The following GFRA1 variants were observed in gnomAD, a reference collection of about 807,000 sequenced individuals.
The protein encoded by GFRA1 is GDNF family receptor alpha-1.
In GFRA1, 16 loss-of-function variants were observed where a neutral mutation model predicts 51.6. The ratio of observed to expected loss-of-function variants is 0.31; its 90% CI spans 0.21 to 0.47. The LOEUF (loss-of-function observed/expected upper bound fraction) is 0.47, where lower values mean the gene tolerates loss of function less well. GFRA1 is among the 20% of genes least tolerant of loss of function. GFRA1 has a pLI of 1.00. For missense variants in GFRA1, 530 were observed against 594.3 expected (o/e 0.89, Z 1.13); for synonymous variants, 270 against 241.3 (o/e 1.12, Z -1.10).
intron 4 of GFRA1, among the ~76,000 whole-genome samples, chr10:116,247,730 A>G (rs1967982107): frequency 6.6e-6 from 1 of 152,176 alleles, no homozygotes. Flanking sequence ...TATCTAAAAT[A>G]GTACCCACTC....
At chr10:116,271,958 G>A (rs748849171) in intron 2 of GFRA1, 32 bp downstream of exon 2, 45 of 1,536,048 alleles carry the variant, frequency 2.9e-5, no homozygotes, top group South Asian at 1.6e-4. Context: ...AGACTCAGAG[G>A]GTAAGAAAGC....
At chr10:116,064,881 T>C (rs111876695) in intron 10 of GFRA1, among the ~76,000 whole-genome samples, 84 of 148,920 alleles carry the variant, frequency 5.6e-4, no homozygotes, top group African/African-American at 1.9e-3. Context: ...GTTGCACAGG[T>C]AACTGACAGC....
chr10:116,066,841 T>G (rs1955137470), intron 9 of GFRA1, among the ~76,000 whole-genome samples: 1 of 152,176 alleles, frequency 6.6e-6, no homozygotes, highest in African/African-American at 2.4e-5. Context: ...AGCGTTACAC[T>G]TGAATCAAGG....
chr10:116,274,225 C>G (rs1325351829), upstream of GFRA1, among the ~76,000 whole-genome samples: 5 of 150,520 alleles, frequency 3.3e-5, no homozygotes, highest in Non-Finnish European at 5.9e-5. Context: ...CCCGGGGCAC[C>G]GAAGTCTACA....
chr10:116,255,562 G>A lies in GFRA1; in HGVS notation c.418+13941C>T, dbSNP rs140026209. ...TTCACATCCACTCAACACAGGACTA[G>A]CATATTCAGTATTAATTTTCTCTGC... On this transcript the variant is annotated intron_variant, in intron 4 of 10. Coordinates refer to ENST00000355422, the MANE Select transcript of GFRA1 (RefSeq NM_005264.8). 21 of 1,280,376 alleles carry A rather than the reference G, an allele frequency of 1.6e-5. No individual in the cohort carries two copies. In the East Asian group the frequency reaches 4.5e-4, roughly 27 times the overall value. The allele number at this position is 1,280,376 out of a possible 1,614,324, so 79.3% of individuals were successfully genotyped here.
intron 4 of GFRA1, among the ~76,000 whole-genome samples, chr10:116,215,565 G>C (rs1170086211): frequency 6.6e-6 from 1 of 152,182 alleles, no homozygotes; most frequent in Non-Finnish European, 1.5e-5. Flanking sequence ...GGGCTGAGAA[G>C]GTAAAGTTAG....
chr10:116,119,075 C>A (rs926248624), intron 6 of GFRA1, among the ~76,000 whole-genome samples: 5 of 152,190 alleles, frequency 3.3e-5, no homozygotes, highest in Non-Finnish European at 7.3e-5. Flanking sequence ...AGAGCCCGAG[C>A]TGATAGAGCT....
chr10:116,210,950 C>T (rs938900433), intron 5 of GFRA1, among the ~76,000 whole-genome samples: 2 of 152,158 alleles, frequency 1.3e-5, no homozygotes, highest in African/African-American at 4.8e-5. Context: ...TCGAGGAGGC[C>T]ATGATCCATG....
intron 8 of GFRA1, among the ~76,000 whole-genome samples, chr10:116,090,438 A>AG (rs1360792316): frequency 1.3e-5 from 2 of 151,060 alleles, no homozygotes; most frequent in Admixed American, 6.6e-5. Context: ...TCTTTAAAAA[A>AG]AAAAAAAAAA....
chr10:116,177,790 C>T (rs777792800), intron 5 of GFRA1, among the ~76,000 whole-genome samples: 5 of 152,154 alleles, frequency 3.3e-5, no homozygotes, highest in Admixed American at 6.5e-5. Context: ...TCCCTACTGA[C>T]AAAGAAGTGT....
Position 116,272,660 on chromosome 10 carries a change from C to G in GFRA1, c.-246-385G>C, listed in dbSNP as rs1416865097. On this transcript the variant is annotated intron_variant, in intron 1 of 10. Transcript: ENST00000355422. This position sits in a 1 kb window ranked among gnomAD's most constrained non-coding sequence, Gnocchi z 4.4. ...GCCAGCCCTGGCGCCGAAAGAGCCC[C>G]TTCTCCCGGGAAGTTGGCCTCCCCC... The G allele has an allele frequency of 2.0e-5, 3 of 152,650 alleles. No homozygotes were observed. Among genetic ancestry groups the G allele is most frequent in the African/African-American group, 7.2e-5 (3 of 41,448 alleles). The allele number at this position is 152,650 out of a possible 1,614,324, so 9.5% of individuals were successfully genotyped here.
chr10:116,064,446 C>T lies in GFRA1; in HGVS notation c.1350G>A (p.Leu450=), dbSNP rs767486956. The stretch of plus-strand genomic sequence containing the variant: ...ATAGGGTGGACAGAGCGGTTACCAC[C>T]AGGACCAGCAGTGGGCTCAGACCAC... ...PSCGLSPLLV[L]VVTALSTLLS... The change falls in exon 11 of 11, where the codon CTG becomes CTA. Residue 450 remains leucine (L), a synonymous_variant. Coordinates refer to ENST00000355422, the MANE Select transcript of GFRA1 (RefSeq NM_005264.8). 1 of 1,613,164 alleles carries T rather than the reference C, an allele frequency of 6.2e-7. No individual in the cohort carries two copies. Among genetic ancestry groups the T allele is most frequent in the Non-Finnish European group, 8.5e-7 (1 of 1,179,774 alleles).
chr10:116,202,551 A>C (rs1964420589), intron 5 of GFRA1, among the ~76,000 whole-genome samples: 1 of 152,134 alleles, frequency 6.6e-6, no homozygotes, highest in African/African-American at 2.4e-5. Flanking sequence ...TAAAGAAAAG[A>C]CTTTCACTGA....
At chr10:116,126,966 A>T (rs998520243) in intron 5 of GFRA1, among the ~76,000 whole-genome samples, 6 of 152,156 alleles carry the variant, frequency 3.9e-5, no homozygotes, top group Non-Finnish European at 2.9e-5. Context: ...CCTCGAGGAC[A>T]TTATGCTACG....
chr10:116,125,091 T>G (rs1370235205), intron 6 of GFRA1, 130 bp downstream of exon 6: 5 of 809,422 alleles, frequency 6.2e-6, no homozygotes, highest in Non-Finnish European at 1.0e-5. Flanking sequence ...TGCCAATCCA[T>G]TCAAATGGAC....
chr10:116,194,704 A>G (rs1963585778), intron 5 of GFRA1, among the ~76,000 whole-genome samples: 1 of 152,176 alleles, frequency 6.6e-6, no homozygotes, highest in Admixed American at 6.5e-5. Context: ...GACATCAATA[A>G]GTGTTTGCTA....
chr10:116,155,340 A>G (rs1430101348), intron 5 of GFRA1, among the ~76,000 whole-genome samples: 1 of 152,048 alleles, frequency 6.6e-6, no homozygotes, highest in African/African-American at 2.4e-5. Flanking sequence ...CCTCCTTCTA[A>G]ATCTTTCCCC....
chr10:116,203,415 G>GA, intron 5 of GFRA1, among the ~76,000 whole-genome samples: 1 of 152,266 alleles, frequency 6.6e-6, no homozygotes, highest in Middle Eastern at 3.4e-3. Context: ...GAAAGAATCA[G>GA]AAAATAGGCT....
intron 4 of GFRA1, among the ~76,000 whole-genome samples, chr10:116,252,943 G>A (rs951287089): frequency 6.6e-6 from 1 of 152,156 alleles, no homozygotes; most frequent in Non-Finnish European, 1.5e-5. Context: ...CATCCTTTCT[G>A]CTATAGCACT....
Sources: allele counts gnomAD v4.1 joint callset (sites outside exome capture counted in the v4.1 genomes callset), GRCh38; gene constraint gnomAD v4.1.1; non-coding constraint Gnocchi (gnomAD v3.1); transcripts MANE v1.5; gene names NCBI Gene and HGNC (gene_info 2026-07-23, HGNC 2026-07-21).